The following ZFAT variants were observed in gnomAD, a reference collection of about 807,000 sequenced individuals.
ZFAT encodes the protein zinc finger protein ZFAT.
A neutral mutation model predicts 117.7 loss-of-function variants in ZFAT; 64 were observed. The observed-to-expected ratio is 0.54, with a 90% confidence interval of 0.44 to 0.67. ZFAT has a LOEUF of 0.67. Among genes scored for constraint, ZFAT ranks in the 30% least tolerant of loss-of-function variants. The pLI is 0.00. For missense variants in ZFAT, 1,433 were observed against 1,584.5 expected (o/e 0.90, Z 1.62); for synonymous variants, 679 against 615.0 (o/e 1.10, Z -1.54).
Position 134,524,488 on chromosome 8 carries a change from C to T in ZFAT, c.3116-3487G>A, listed in dbSNP as rs182260862. ...AAAATAATATGAATTCTTCACTTCC[C>T]TGTCTCTCTTCATTACTTAGGCCAG... On this transcript the variant is annotated intron_variant, in intron 12 of 15. Coordinates refer to ENST00000377838, the MANE Select transcript of ZFAT (RefSeq NM_020863.4). Among the ~76,000 whole-genome samples the T allele has an allele frequency of 1.4e-3, 219 of 152,350 alleles. 1 individual carries two copies. Among genetic ancestry groups the T allele is most frequent in the African/African-American group, 5.2e-3 (216 of 41,576 alleles).
At chr8:134,665,808 C>G (rs1832186577) in intron 1 of ZFAT, among the ~76,000 whole-genome samples, 1 of 152,122 alleles carries the variant, frequency 6.6e-6, no homozygotes, top group African/African-American at 2.4e-5. Context: ...TGTAAAAACC[C>G]TTCCCCACTG....
At chr8:134,725,251 G>C in the ZFAT span, among the ~76,000 whole-genome samples, 1 of 152,170 alleles carries the variant, frequency 6.6e-6, no homozygotes, top group Non-Finnish European at 1.5e-5. Context: ...AAGTTCAAGC[G>C]CCTGGCAAAG....
In ZFAT at chr8:134,628,007, G is replaced by A. The variant is rs980851149; in HGVS notation, c.448+9454C>T. Among the ~76,000 whole-genome samples, 7 of 152,250 alleles carry A rather than the reference G, an allele frequency of 4.6e-5. No homozygotes were observed. In the South Asian group the frequency reaches 6.2e-4, roughly 14 times the overall value. Reference sequence around the variant, plus strand: ...TTCCAACACACCGAGGCACGTGCGCGGCACAATGAGAAGCCCAGATCTGCT... The same window carrying A: ...TTCCAACACACCGAGGCACGTGCGCAGCACAATGAGAAGCCCAGATCTGCT... On this transcript the variant is annotated intron_variant, in intron 3 of 15. Transcript: ENST00000377838.
chr8:134,830,554 T>G, the ZFAT span, among the ~76,000 whole-genome samples: 1 of 152,226 alleles, frequency 6.6e-6, no homozygotes, highest in African/African-American at 2.4e-5. Context: ...AAGGAGCAAG[T>G]GAGTATATGC....
chr8:134,603,316 G>A (rs2130936636), intron 5 of ZFAT, among the ~76,000 whole-genome samples: 1 of 152,276 alleles, frequency 6.6e-6, no homozygotes, highest in East Asian at 1.9e-4. Context: ...AGAGAAGGAA[G>A]AAGGAAGAGG....
chr8:134,537,503 C>T (rs1457781086), intron 11 of ZFAT, among the ~76,000 whole-genome samples: 1 of 152,186 alleles, frequency 6.6e-6, no homozygotes, highest in African/African-American at 2.4e-5. Context: ...ACTGGGCTAT[C>T]ATTAGGAGGC....
intron 1 of ZFAT, among the ~76,000 whole-genome samples, chr8:134,659,163 G>T (rs1400241149): frequency 6.6e-6 from 1 of 152,220 alleles, no homozygotes; most frequent in African/African-American, 2.4e-5. Context: ...GCGCTCTCTG[G>T]TGATGGTGAG....
rs1313454757 is a variant in ZFAT, at chr8:134,712,951, A to ACGCTT, written c.-93_-89dup. ...ACCGAGGGGGCGGGGCGCCCTGCTG[A>ACGCTT]CGCTTCGCTTTTTATTTTTATTTTT... On this transcript the variant is annotated 5_prime_UTR_variant, in exon 1 of 16. Coordinates refer to ENST00000377838, the MANE Select transcript of ZFAT (RefSeq NM_020863.4). The ACGCTT allele has an allele frequency of 2.9e-6, 4 of 1,381,954 alleles. No individual in the cohort carries two copies. Among genetic ancestry groups the ACGCTT allele is most frequent in the Admixed American group, 6.6e-5 (2 of 30,490 alleles). 85.6% of individuals were successfully genotyped at this position (1,381,954 alleles called of 1,614,324 possible).
Position 134,478,235 on chromosome 8 carries a change from C to T in ZFAT, c.*247G>A. Reference sequence around the variant, plus strand: ...TAGGGGAGCTGACACTGAAGTCTTTCAGGAAGCAGATGGTAAGGGTCAGGG... The same window carrying T: ...TAGGGGAGCTGACACTGAAGTCTTTTAGGAAGCAGATGGTAAGGGTCAGGG... On this transcript the variant is annotated 3_prime_UTR_variant, in exon 16 of 16. Coordinates refer to ENST00000377838, the MANE Select transcript of ZFAT (RefSeq NM_020863.4). The surrounding 1 kb of genome is among the most constrained non-coding windows in gnomAD (Gnocchi z 5.2). The T allele has an allele frequency of 1.8e-6, 1 of 553,626 alleles. No homozygotes were observed. The highest frequency in any genetic ancestry group is 2.9e-5 in the East Asian group (1 of 33,950). 34.3% of individuals were successfully genotyped at this position (553,626 alleles called of 1,614,324 possible). A position where few individuals can be genotyped will look rare whatever the true frequency, so the allele number is the denominator to read the frequency against.
At chr8:134,759,987 A>AAAAAAC in the ZFAT span, among the ~76,000 whole-genome samples, 1 of 148,360 alleles carries the variant, frequency 6.7e-6, no homozygotes, top group Non-Finnish European at 1.5e-5. Context: ...AAAAAAAAAA[A>AAAAAAC]AAACAAACAG....
the ZFAT span, among the ~76,000 whole-genome samples, chr8:134,804,320 C>A: frequency 1.3e-5 from 2 of 152,148 alleles, no homozygotes; most frequent in African/African-American, 4.8e-5. Context: ...AGTGGCTTGA[C>A]GTCTTGCAGT....
chr8:134,504,057 CA>C (rs1819203003), intron 15 of ZFAT, among the ~76,000 whole-genome samples: 1 of 152,206 alleles, frequency 6.6e-6, no homozygotes, highest in African/African-American at 2.4e-5. Context: ...CACAGAGAAG[CA>C]GGCTTGGTAA....
intron 15 of ZFAT, among the ~76,000 whole-genome samples, chr8:134,487,715 GC>G (rs1817750821): frequency 2.0e-5 from 3 of 152,050 alleles, no homozygotes; most frequent in Non-Finnish European, 4.4e-5. Context: ...ATCCCTTCTT[GC>G]CCTTGAGAAC....
chr8:134,655,186 C>T (rs866102979), intron 2 of ZFAT, among the ~76,000 whole-genome samples: 14 of 152,014 alleles, frequency 9.2e-5, no homozygotes, highest in African/African-American at 3.4e-4. Flanking sequence ...GGTGAATCTC[C>T]GGGAAGGGGC....
intron 3 of ZFAT, among the ~76,000 whole-genome samples, chr8:134,634,642 G>A (rs944590375): frequency 2.0e-5 from 3 of 152,148 alleles, no homozygotes; most frequent in Non-Finnish European, 2.9e-5. Context: ...TTACAACAGT[G>A]AAAAATTGAT....
chr8:134,676,795 C>A (rs1832827416), intron 1 of ZFAT, among the ~76,000 whole-genome samples: 1 of 152,198 alleles, frequency 6.6e-6, no homozygotes, highest in South Asian at 2.1e-4. Flanking sequence ...AAGAAACTCA[C>A]TCAAAACCGC....
intron 1 of ZFAT, among the ~76,000 whole-genome samples, chr8:134,682,800 C>T (rs1052918948): frequency 2.0e-5 from 3 of 152,186 alleles, no homozygotes. Flanking sequence ...CTGTAAGGCC[C>T]TTTTTCCCCA....
intron 11 of ZFAT, among the ~76,000 whole-genome samples, chr8:134,561,193 C>T (rs768310451): frequency 2.6e-4 from 39 of 152,214 alleles, no homozygotes; most frequent in Non-Finnish European, 4.7e-4. Flanking sequence ...GGAATGGTTA[C>T]ACTATGATAA....
intron 1 of ZFAT, among the ~76,000 whole-genome samples, chr8:134,663,914 C>T (rs1179004002): frequency 2.0e-5 from 3 of 152,198 alleles, no homozygotes; most frequent in Non-Finnish European, 4.4e-5. Flanking sequence ...TCCATGTCCC[C>T]AGCCTGGCAC....
Sources: allele counts gnomAD v4.1 joint callset (sites outside exome capture counted in the v4.1 genomes callset), GRCh38; gene constraint gnomAD v4.1.1; non-coding constraint Gnocchi (gnomAD v3.1); transcripts MANE v1.5; gene names NCBI Gene and HGNC (gene_info 2026-07-23, HGNC 2026-07-21).